The following MCTP1 variants were observed in gnomAD, a reference collection of about 807,000 sequenced individuals.
The protein encoded by MCTP1 is multiple C2 and transmembrane domain containing 1.
In MCTP1, 69 loss-of-function variants were observed where a neutral mutation model predicts 120.6. The ratio of observed to expected loss-of-function variants is 0.57; its 90% CI spans 0.47 to 0.70. The LOEUF is 0.70. Ranked by LOEUF, MCTP1 falls within the 30% of genes least tolerant of loss-of-function variation. The pLI, the probability that MCTP1 is intolerant of heterozygous loss-of-function variation, is 0.00. For synonymous variants in MCTP1, 529 were observed against 493.1 expected, an observed-to-expected ratio of 1.07 and a Z score of -0.96; for missense variants, 1,203 against 1,248.8, an observed-to-expected ratio of 0.96 and a Z score of 0.55.
rs1384753672 is a variant in MCTP1 at position 94,953,219 on chromosome 5, C to A, written c.981G>T (p.Lys327Asn). The change falls in exon 3 of 23, where the codon AAG (lysine) becomes AAT (asparagine). Residue 327 changes from lysine to asparagine, a missense_variant and splice_region_variant. Physicochemically the swap from Lys to Asn is moderately conservative, Grantham distance 94 (BLOSUM62 0). Around this residue, in one of 2 missense-constraint regions of MCTP1, gnomAD observed 740 missense variants for 871.1 expected, o/e 0.85. Coordinates refer to ENST00000515393, the MANE Select transcript of MCTP1 (RefSeq NM_024717.7). ...VDHLREPLYIKVFDYDFGLQD... is the reference protein window; with the variant it reads ...VDHLREPLYINVFDYDFGLQD... ...AGGAAAAAACAAATAAATGGCTCAC[C>A]TTTATATACAATGGCTCCCTAAGAT... 1 of 1,605,544 alleles carries A rather than the reference C, an allele frequency of 6.2e-7. No homozygotes were observed. Among genetic ancestry groups the A allele is most frequent in the Non-Finnish European group, 8.5e-7 (1 of 1,176,554 alleles).
intron 2 of MCTP1, among the ~76,000 whole-genome samples, chr5:95,010,577 T>C (rs1296069193): frequency 6.6e-6 from 1 of 152,178 alleles, no homozygotes; most frequent in Non-Finnish European, 1.5e-5. Context: ...AAATATCTCT[T>C]CTTATTTTTA....
At position 95,132,599 on chromosome 5, in the gene MCTP1, T is replaced by C. The variant is rs575415939; in HGVS notation, c.721-115115A>G. On this transcript the variant is annotated intron_variant, in intron 1 of 22. Transcript: ENST00000515393. ...TCTTACAGATCCCTGACTCGTCGGC[T>C]CTGCAGTCCCGCGACCTCAGCACTT... Among the ~76,000 whole-genome samples the C allele has an allele frequency of 2.2e-3, 333 of 152,270 alleles. 5 individuals are homozygous for C. Among genetic ancestry groups the C allele is most frequent in the Non-Finnish European group, 5.1e-4 (35 of 68,020 alleles).
chr5:94,793,437 T>G (rs564639390), intron 18 of MCTP1: 4 of 152,318 alleles, frequency 2.6e-5, no homozygotes, highest in African/African-American at 9.6e-5. Context: ...AGAAAACTGC[T>G]GTTGAAATAA....
intron 1 of MCTP1, among the ~76,000 whole-genome samples, chr5:95,244,475 C>G (rs924873097): frequency 6.6e-6 from 1 of 152,186 alleles, no homozygotes; most frequent in East Asian, 1.9e-4. Flanking sequence ...CACTACTGAC[C>G]AAATACTGCT....
intron 1 of MCTP1, among the ~76,000 whole-genome samples, chr5:95,173,784 A>G (rs149629892): frequency 1.3e-5 from 2 of 152,070 alleles, no homozygotes; most frequent in African/African-American, 4.8e-5. Context: ...AACAACCACA[A>G]AGCAATCTGG....
At chr5:95,217,624 T>G (rs762880546) in intron 1 of MCTP1, among the ~76,000 whole-genome samples, 4 of 152,194 alleles carry the variant, frequency 2.6e-5, no homozygotes, top group Non-Finnish European at 5.9e-5. Flanking sequence ...GGGCATTAAA[T>G]GAGGAGTTCA....
intron 19 of MCTP1, among the ~76,000 whole-genome samples, chr5:94,765,315 T>C (rs114195362): frequency 0.016 from 2,394 of 152,230 alleles, 80 homozygotes; most frequent in African/African-American, 0.055. Context: ...AAATAACTAA[T>C]TTAATGATGT....
chr5:95,068,583 G>A (rs1751283009), intron 1 of MCTP1, among the ~76,000 whole-genome samples: 1 of 152,170 alleles, frequency 6.6e-6, no homozygotes, highest in Admixed American at 6.5e-5. Context: ...AACAGTAAAT[G>A]TTTTAAGCTG....
intron 1 of MCTP1, among the ~76,000 whole-genome samples, chr5:95,205,914 G>C (rs1261178184): frequency 1.3e-5 from 2 of 152,110 alleles, no homozygotes; most frequent in Admixed American, 6.5e-5. Context: ...GGAAAAACTA[G>C]GATATTCATA....
intron 19 of MCTP1, among the ~76,000 whole-genome samples, chr5:94,752,117 AT>A (rs1325160256): frequency 7.6e-5 from 3 of 39,644 alleles, no homozygotes; most frequent in Admixed American, 2.9e-4. Context: ...AAATATATAT[AT>A]ATATATATAT....
rs143349114 is a variant in MCTP1 at position 94,748,893 on chromosome 5, T to G, written c.2610+30217A>C. Among the ~76,000 whole-genome samples, 936 of 152,278 alleles carry G rather than the reference T, an allele frequency of 6.1e-3. 24 individuals are homozygous for G. Among genetic ancestry groups the G allele is most frequent in the East Asian group, 0.06 (313 of 5,178 alleles). On this transcript the variant is annotated intron_variant, in intron 19 of 22. Transcript: ENST00000515393. ...CCTTGACTGGACACGGTGGACTGAC[T>G]ACACAGACTGGCCACCGTCTGCAAT...
Position 94,706,587 on chromosome 5 carries a change from T to TTTTTC in MCTP1, c.*908_*909insGAAAA, listed in dbSNP as rs948998180. 6.6e-6 allele frequency: 1 copy of TTTTTC among 151,432 alleles called. No individual in the cohort carries two copies. The highest frequency in any genetic ancestry group is 2.4e-5 in the African/African-American group (1 of 41,298). 9.4% of individuals were successfully genotyped at this position (151,432 alleles called of 1,614,324 possible). A position where few individuals can be genotyped will look rare whatever the true frequency, so the allele number is the denominator to read the frequency against. On this transcript the variant is annotated 3_prime_UTR_variant, in exon 23 of 23. Coordinates refer to ENST00000515393, the MANE Select transcript of MCTP1 (RefSeq NM_024717.7). ...TCTAATGAGAAAGCAGGTTTTTTTT[T>TTTTTC]TCTCTGAGAGCACTTGAGTATTTAT...
chr5:94,964,695 CT>C (rs1475995593), intron 2 of MCTP1, among the ~76,000 whole-genome samples: 1 of 152,176 alleles, frequency 6.6e-6, no homozygotes, highest in Admixed American at 6.5e-5. Context: ...AATAGAATAT[CT>C]TTTTTTATAC....
chr5:95,268,150 A>AT (rs1356284976), intron 1 of MCTP1, among the ~76,000 whole-genome samples: 1 of 152,212 alleles, frequency 6.6e-6, no homozygotes, highest in Non-Finnish European at 1.5e-5. Context: ...CAATTTGCAT[A>AT]TTTTTTAATG....
chr5:95,169,335 AGGGATATT>A (rs1746896058), intron 1 of MCTP1, among the ~76,000 whole-genome samples: 1 of 152,196 alleles, frequency 6.6e-6, no homozygotes, highest in Non-Finnish European at 1.5e-5. Context: ...AATGTTCATC[AGGGATATT>A]GGTCTATAAT....
chr5:94,871,318 C>G lies in MCTP1; in HGVS notation c.2136G>C (p.Leu712=), dbSNP rs776307860. 3.8e-6 allele frequency: 6 copies of G among 1,587,606 alleles called. No individual in the cohort carries two copies. The African/African-American group carries it at 6.8e-5, about 18-fold the overall frequency. Residue 712 remains leucine, a synonymous_variant, in exon 14 of 23, where the codon CTG becomes CTC. Coordinates refer to ENST00000515393, the MANE Select transcript of MCTP1 (RefSeq NM_024717.7). The stretch of plus-strand genomic sequence containing the variant: ...GTGTCAGGTGAATAAAACTTACAGA[C>G]AGCAATGGTATAGCAACTTTGCCCA... The part of the protein sequence containing the change: ...DFLGKVAIPL[L]SIQNGEQKAY...
chr5:95,213,140 T>G (rs1475914462), intron 1 of MCTP1, among the ~76,000 whole-genome samples: 6 of 152,122 alleles, frequency 3.9e-5, no homozygotes, highest in African/African-American at 1.4e-4. Context: ...AAAATCTCCT[T>G]AAGCTGATAA....
intron 2 of MCTP1, among the ~76,000 whole-genome samples, chr5:94,964,983 AT>A (rs1216267208): frequency 6.6e-6 from 1 of 152,224 alleles, no homozygotes; most frequent in Non-Finnish European, 1.5e-5. Flanking sequence ...ATGCACCACC[AT>A]TATAGTATTA....
intron 1 of MCTP1, among the ~76,000 whole-genome samples, chr5:95,187,277 G>C (rs1203882262): frequency 6.6e-6 from 1 of 152,180 alleles, no homozygotes; most frequent in African/African-American, 2.4e-5. Context: ...GCCATAAAAA[G>C]AATGAGATCC....
Sources: allele counts gnomAD v4.1 joint callset (sites outside exome capture counted in the v4.1 genomes callset), GRCh38; gene constraint gnomAD v4.1.1; regional missense constraint gnomAD v4.1.1; transcripts MANE v1.5; gene names NCBI Gene and HGNC (gene_info 2026-07-23, HGNC 2026-07-21).